The following KLK13 variants were observed in gnomAD, a reference collection of about 807,000 sequenced individuals.
The protein encoded by KLK13 is kallikrein-13.
KLK13 carries 19 observed loss-of-function variants against 22.4 expected under a neutral mutation model. The ratio of observed to expected loss-of-function variants is 0.85; its 90% CI spans 0.59 to 1.24. The LOEUF (loss-of-function observed/expected upper bound fraction) is 1.24. Among genes scored for constraint, KLK13 ranks in the 50% most tolerant of loss-of-function variants. The pLI is 0.00. For missense variants in KLK13, 311 were observed against 347.9 expected (o/e 0.89, Z 0.84); for synonymous variants, 156 against 141.8 (o/e 1.10, Z -0.71).
At chr19:51,058,788 G>T in intron 3 of KLK13, 114 bp from the exon 4 acceptor site, 1 of 1,028,114 alleles carries the variant, frequency 9.7e-7, no homozygotes, top group East Asian at 2.4e-5. Flanking sequence ...GATGGGAAGA[G>T]AAAGATGGGA....
chr19:51,056,219 C>CGCCGTAT lies in KLK13; in HGVS notation c.*367_*368insATACGGC. On this transcript the variant is annotated 3_prime_UTR_variant, in exon 5 of 5. Coordinates refer to ENST00000595793, the MANE Select transcript of KLK13 (RefSeq NM_015596.3). Reference sequence around the variant, plus strand: ...GTTAGAGGATGTTGTCAAGGATGGTCCATTTATAGGACATATATTGTTGAG... The same window carrying CGCCGTAT: ...GTTAGAGGATGTTGTCAAGGATGGTCGCCGTATCATTTATAGGACATATATTGTTGAG... 5.0e-6 allele frequency: 1 copy of CGCCGTAT among 199,134 alleles called. No homozygotes were observed. Among genetic ancestry groups the CGCCGTAT allele is most frequent in the Admixed American group, 5.6e-5 (1 of 17,734 alleles). 12.3% of individuals were successfully genotyped at this position (199,134 alleles called of 1,614,324 possible).
chr19:51,059,868 G>A lies in KLK13; in HGVS notation c.465C>T (p.Thr155=). 6.2e-7 allele frequency: 1 copy of A among 1,604,048 alleles called. No individual in the cohort carries two copies. The highest frequency in any genetic ancestry group is 2.2e-5 in the East Asian group (1 of 44,652). ...LSHNNRLTPG[T]TCRVSGWGTT... ...TGCCCCAGCCAGACACCCGACAGGTGGTGCCAGGGGTTAGGCGGTTGTTGT... is the reference window on the plus strand; with the variant it reads ...TGCCCCAGCCAGACACCCGACAGGTAGTGCCAGGGGTTAGGCGGTTGTTGT... The change falls in exon 3 of 5, where the codon ACC becomes ACT. Residue 155 remains threonine (T), a synonymous_variant. Coordinates refer to ENST00000595793, the MANE Select transcript of KLK13 (RefSeq NM_015596.3).
intron 4 of KLK13, among the ~76,000 whole-genome samples, chr19:51,057,734 C>T (rs1217819949): frequency 2.0e-5 from 3 of 152,212 alleles, no homozygotes; most frequent in South Asian, 4.1e-4. Context: ...ACCTCAGCCT[C>T]CCAAAGTGCT....
At chr19:51,062,002 G>A (rs973584261) in intron 1 of KLK13, among the ~76,000 whole-genome samples, 5 of 151,962 alleles carry the variant, frequency 3.3e-5, no homozygotes, top group African/African-American at 1.2e-4. Context: ...TCCTCTCTCT[G>A]CACAGTCCTT....
At chr19:51,059,601 T>A (rs539251495) in intron 3 of KLK13, 26 of 257,366 alleles carry the variant, frequency 1.0e-4, no homozygotes, top group Non-Finnish European at 2.1e-5. Context: ...ATATATTAGA[T>A]CTATTTATAT....
At position 51,055,744 on chromosome 19, in the gene KLK13, G is replaced by A. The variant is rs546480552; in HGVS notation, c.*843C>T. Among the ~76,000 whole-genome samples, 23 of 152,290 alleles carry A rather than the reference G, an allele frequency of 1.5e-4. No homozygotes were observed. The highest frequency in any genetic ancestry group is 5.3e-4 in the African/African-American group (22 of 41,554). ...GAGTTTTATAACTTGTCCAAAGCAA[G>A]GATTTGCACTACATTTTAGGGTCAT... is the stretch of plus-strand genomic sequence containing the variant. On this transcript the variant is annotated 3_prime_UTR_variant, in exon 5 of 5. Coordinates refer to ENST00000595793, the MANE Select transcript of KLK13 (RefSeq NM_015596.3).
chr19:51,059,123 T>C (rs780143100), intron 3 of KLK13, among the ~76,000 whole-genome samples: 59 of 151,898 alleles, frequency 3.9e-4, no homozygotes, highest in Non-Finnish European at 7.8e-4. Flanking sequence ...GATACAAACA[T>C]GAGGCTGGGA....
At position 51,058,588 on chromosome 19, in the gene KLK13, C is replaced by T; in HGVS notation, c.595G>A (p.Asp199Asn). The change falls in exon 4 of 5, where the codon GAC (aspartate) becomes AAC (asparagine). Residue 199 changes from aspartate (D) to asparagine (N), a missense_variant. Transcript: ENST00000595793. ...TTTGTGCCGGCACACAACATGTTGT[C>T]AGTGATCTTTCCTGGGTAGACTTGA... Reference protein sequence around the residue: ...CRQVYPGKITDNMLCAGTKEG... With the variant: ...CRQVYPGKITNNMLCAGTKEG... 1 of 1,614,132 alleles carries T rather than the reference C, an allele frequency of 6.2e-7. No individual in the cohort carries two copies.
At chr19:51,062,951 C>T (rs1326340847) in intron 1 of KLK13, among the ~76,000 whole-genome samples, 3 of 151,990 alleles carry the variant, frequency 2.0e-5, no homozygotes, top group Non-Finnish European at 4.4e-5. Context: ...TCGGTGAGCA[C>T]AGGATCATTT....
rs1233546651 is a variant in KLK13, at chr19:51,061,223, AT to A, written c.53-605del. Among the ~76,000 whole-genome samples, 826 of 150,582 alleles carry A rather than the reference AT, an allele frequency of 5.5e-3. 4 individuals carry two copies. Among genetic ancestry groups the A allele is most frequent in the Middle Eastern group, 0.014 (4 of 292 alleles). On this transcript the variant is annotated intron_variant, in intron 1 of 4. Transcript: ENST00000595793. ...CATCCATCCATCCATCCATCCATCC[AT>A]CCATCCAATCCAACCATCCATCCAT...
intron 1 of KLK13, chr19:51,063,704 C>T (rs772362629): frequency 6.6e-6 from 3 of 456,602 alleles, no homozygotes; most frequent in East Asian, 6.9e-5. Flanking sequence ...AGAAAAGCCA[C>T]CCCACCTTCA....
At position 51,058,599 on chromosome 19, in the gene KLK13, C is replaced by G; in HGVS notation, c.584G>C (p.Gly195Ala). The change falls in exon 4 of 5, where the codon GGA becomes GCA. Residue 195 changes from glycine to alanine, a missense_variant. By Grantham distance (60) the Gly-to-Ala change is moderately conservative. Coordinates refer to ENST00000595793, the MANE Select transcript of KLK13 (RefSeq NM_015596.3). ...SDEECRQVYP[G>A]KITDNMLCAG... is the part of the protein sequence containing the mutation. ...ACACAACATGTTGTCAGTGATCTTT[C>G]CTGGGTAGACTTGACGACACTCCTC... 6.2e-7 allele frequency: 1 copy of G among 1,614,020 alleles called. No homozygotes were observed. Among genetic ancestry groups the G allele is most frequent in the East Asian group, 2.2e-5 (1 of 44,898 alleles).
Position 51,056,260 on chromosome 19 carries a change from T to G in KLK13, c.*327A>C. 3.5e-6 allele frequency: 1 copy of G among 286,610 alleles called. No individual in the cohort carries two copies. Among genetic ancestry groups the G allele is most frequent in the Non-Finnish European group, 6.6e-6 (1 of 152,138 alleles). 17.8% of individuals were successfully genotyped at this position (286,610 alleles called of 1,614,324 possible). A position where few individuals can be genotyped will look rare whatever the true frequency, so the allele number is the denominator to read the frequency against. On this transcript the variant is annotated 3_prime_UTR_variant, in exon 5 of 5. Transcript: ENST00000595793. ...TATTGTTGAGATGGGCTGATGGAAA[T>G]ATTTAAGAATGTGCCACAGACAGAA... is the stretch of plus-strand genomic sequence containing the variant.
At chr19:51,059,765 T>C in intron 3 of KLK13, 60 bp downstream of exon 3, 1 of 1,405,102 alleles carries the variant, frequency 7.1e-7, no homozygotes, top group Non-Finnish European at 9.4e-7. Context: ...CCCTCCCATC[T>C]CTGCCCCTGT....
At chr19:51,064,759 G>A (rs970224062) in intron 1 of KLK13, 23 of 644,670 alleles carry the variant, frequency 3.6e-5, no homozygotes, top group Non-Finnish European at 5.9e-5. Flanking sequence ...AGAGAGGACA[G>A]GAAGCCTTGA....
chr19:51,064,487 CAAAAAAAAAAA>C (rs35554667), intron 1 of KLK13: 2 of 158,532 alleles, frequency 1.3e-5, no homozygotes, highest in Admixed American at 7.5e-5. Flanking sequence ...GGTTCCATCT[CAAAAAAAAAAA>C]AAAAAAAAAA....
intron 1 of KLK13, chr19:51,064,575 A>G (rs201534765): frequency 2.1e-4 from 107 of 507,052 alleles, no homozygotes; most frequent in Middle Eastern, 6.3e-4. Context: ...TACCTGCGAC[A>G]TACTGAAGGC....
chr19:51,064,913 G>T (rs1317392666), intron 1 of KLK13, 103 bp downstream of exon 1: 2 of 926,922 alleles, frequency 2.2e-6, no homozygotes, highest in Admixed American at 2.9e-5. Flanking sequence ...CCGAGTGGGC[G>T]GGGGGCGGAG....
chr19:51,057,293 C>A (rs936938400), intron 4 of KLK13, among the ~76,000 whole-genome samples: 5 of 152,258 alleles, frequency 3.3e-5, no homozygotes, highest in East Asian at 3.9e-4. Flanking sequence ...TCGATCAAGG[C>A]ACATATCATT....
Sources: gnomAD v4.1 joint callset for allele counts (sites outside exome capture counted in the v4.1 genomes callset) on GRCh38, gnomAD v4.1.1 for gene constraint, MANE v1.5 for transcripts, NCBI Gene and HGNC (gene_info 2026-07-23, HGNC 2026-07-21) for gene names.